PCDH15: variants seen among roughly 807,000 people sequenced by gnomAD.
PCDH15 encodes protocadherin related 15, also known as protocadherin-15.
A neutral mutation model predicts 178.5 loss-of-function variants in PCDH15; 129 were observed. That is an observed-to-expected ratio of 0.72 (90% confidence interval 0.63 to 0.84). PCDH15 has a LOEUF of 0.84. Ranked by LOEUF, PCDH15 falls within the 40% of genes least tolerant of loss-of-function variation. The probability of loss-of-function intolerance (pLI) is 0.00; values close to 1 mark genes in which losing one functional copy is unlikely to be tolerated. For synonymous variants in PCDH15, 800 were observed against 732.0 expected (o/e 1.09, Z -1.50); for missense variants, 2,230 against 2,099.9 (o/e 1.06, Z -1.21).
At chr10:53,835,513 G>A (rs1589011070) in intron 29 of PCDH15, among the ~76,000 whole-genome samples, 1 of 151,072 alleles carries the variant, frequency 6.6e-6, no homozygotes, top group Non-Finnish European at 1.5e-5. Flanking sequence ...TCCTTGAGCT[G>A]AAGTCACAAT....
At chr10:54,655,348 G>T (rs1238049297) in intron 2 of PCDH15, among the ~76,000 whole-genome samples, 3 of 148,634 alleles carry the variant, frequency 2.0e-5, no homozygotes, top group Non-Finnish European at 4.5e-5. Context: ...AAGAAAGAAA[G>T]AACATCTGAG....
At chr10:54,517,861 C>T (rs1370766937) in intron 3 of PCDH15, among the ~76,000 whole-genome samples, 1 of 152,194 alleles carries the variant, frequency 6.6e-6, no homozygotes, top group Non-Finnish European at 1.5e-5. Flanking sequence ...AACAAATTGT[C>T]TCTCAGACCA....
intron 2 of PCDH15, among the ~76,000 whole-genome samples, chr10:55,072,981 G>T (rs531354157): frequency 1.1e-4 from 16 of 152,104 alleles, no homozygotes; most frequent in African/African-American, 3.9e-4. Context: ...CATATAAATA[G>T]AACCAAAGAC....
At chr10:54,577,839 A>G (rs931532504) in intron 2 of PCDH15, among the ~76,000 whole-genome samples, 1 of 139,374 alleles carries the variant, frequency 7.2e-6, no homozygotes, top group African/African-American at 2.7e-5. Context: ...TTCCTGTTTA[A>G]GCCTAAATAA....
At chr10:54,768,638 T>G (rs1948765789) in intron 1 of PCDH15, among the ~76,000 whole-genome samples, 2 of 152,160 alleles carry the variant, frequency 1.3e-5, no homozygotes, top group South Asian at 4.1e-4. Context: ...CCCAAATAAT[T>G]GGAATCTGAC....
intron 28 of PCDH15, among the ~76,000 whole-genome samples, chr10:53,842,015 T>G (rs2077684181): frequency 6.6e-6 from 1 of 151,328 alleles, no homozygotes; most frequent in Non-Finnish European, 1.5e-5. Context: ...CACAGACTAG[T>G]CTAACATCAT....
rs529594367 is a variant in PCDH15 at position 54,756,428 on chromosome 10, A to C, written c.-29+44497T>G. The stretch of plus-strand genomic sequence containing the variant: ...CGGAGAAATATCTTGACTACAGTGC[A>C]GGACTCCATGTTTGTTTGGCTCTCT... On this transcript the variant is annotated intron_variant, in intron 1 of 37. Coordinates refer to ENST00000644397, the MANE Select transcript of PCDH15 (RefSeq NM_001384140.1). 2.1e-4 allele frequency among the ~76,000 whole-genome samples: 32 copies of C among 152,174 alleles called. No homozygotes were observed. The East Asian group carries it at 5.2e-3, about 25-fold the overall frequency.
chr10:53,937,001 C>T (rs1336402444), intron 25 of PCDH15, among the ~76,000 whole-genome samples: 2 of 151,998 alleles, frequency 1.3e-5, no homozygotes, highest in Non-Finnish European at 2.9e-5. Flanking sequence ...AAAGGTCAAT[C>T]ATAAAAGGTT....
chr10:54,456,752 A>G (rs1026898835), intron 3 of PCDH15, among the ~76,000 whole-genome samples: 3 of 152,086 alleles, frequency 2.0e-5, no homozygotes, highest in Non-Finnish European at 4.4e-5. Context: ...TAATCTTCAC[A>G]TGTCATGGGA....
chr10:53,889,757 T>C (rs1326906717), intron 26 of PCDH15, among the ~76,000 whole-genome samples: 1 of 152,168 alleles, frequency 6.6e-6, no homozygotes, highest in Non-Finnish European at 1.5e-5. Flanking sequence ...ATAGGATATA[T>C]TAACTGTAAT....
intron 7 of PCDH15, among the ~76,000 whole-genome samples, chr10:54,321,278 C>T (rs2061588907): frequency 6.7e-6 from 1 of 150,348 alleles, no homozygotes; most frequent in African/African-American, 2.4e-5. Context: ...ATCCTCGCAC[C>T]TCAGCCTTCT....
chr10:55,363,408 T>C (rs1317346684), intron 2 of PCDH15, among the ~76,000 whole-genome samples: 1 of 152,188 alleles, frequency 6.6e-6, no homozygotes, highest in East Asian at 1.9e-4. Context: ...GAATATCAGT[T>C]TTATTTTATT....
At chr10:55,413,099 G>A (rs1322223314) in intron 2 of PCDH15, among the ~76,000 whole-genome samples, 2 of 151,390 alleles carry the variant, frequency 1.3e-5, no homozygotes, top group Admixed American at 6.6e-5. Flanking sequence ...AACACATATA[G>A]GGTATATGTT....
At chr10:54,502,271 A>G (rs2080765198) in intron 3 of PCDH15, among the ~76,000 whole-genome samples, 1 of 152,116 alleles carries the variant, frequency 6.6e-6, no homozygotes, top group South Asian at 2.1e-4. Flanking sequence ...GTTTAATATA[A>G]TGCTTGGCAC....
intron 2 of PCDH15, among the ~76,000 whole-genome samples, chr10:54,580,359 T>C (rs760091314): frequency 2.0e-5 from 3 of 151,890 alleles, no homozygotes; most frequent in Non-Finnish European, 4.4e-5. Flanking sequence ...AACTAAAAAA[T>C]CTAGAGGAAA....
At chr10:53,995,461 G>T (rs1241086445) in intron 21 of PCDH15, 188 bp downstream of exon 21, 4 of 1,009,764 alleles carry the variant, frequency 4.0e-6, no homozygotes, top group Non-Finnish European at 5.7e-6. Context: ...CTTTGTCTAG[G>T]TTCAATAATA....
intron 2 of PCDH15, among the ~76,000 whole-genome samples, chr10:54,933,206 GAC>G (rs1162067074): frequency 6.6e-6 from 1 of 151,312 alleles, no homozygotes; most frequent in African/African-American, 2.4e-5. Flanking sequence ...ATCTCATAAT[GAC>G]ACATTTCTCA....
At chr10:55,449,005 A>T (rs1839376543) in intron 2 of PCDH15, among the ~76,000 whole-genome samples, 1 of 152,074 alleles carries the variant, frequency 6.6e-6, no homozygotes, top group Non-Finnish European at 1.5e-5. Flanking sequence ...TTTATATTTA[A>T]TCCCAATGTG....
At chr10:54,698,247 A>G (rs1333026084) in intron 1 of PCDH15, among the ~76,000 whole-genome samples, 1 of 152,182 alleles carries the variant, frequency 6.6e-6, no homozygotes, top group Non-Finnish European at 1.5e-5. Flanking sequence ...TAGGAGAGAC[A>G]AGCTAATTTG....
Sources: allele counts gnomAD v4.1 joint callset (sites outside exome capture counted in the v4.1 genomes callset), GRCh38; gene constraint gnomAD v4.1.1; transcripts MANE v1.5; gene names NCBI Gene and HGNC (gene_info 2026-07-23, HGNC 2026-07-21).